The following MLPH variants were observed in gnomAD, a reference collection of about 807,000 sequenced individuals.
MLPH encodes melanophilin.
Under a neutral mutation model 72.1 loss-of-function variants are expected in MLPH, and 51 were observed. The observed-to-expected ratio is 0.71, with a 90% CI of 0.56 to 0.89. The LOEUF (loss-of-function observed/expected upper bound fraction) is 0.89, where lower values mean the gene tolerates loss of function less well. Among genes scored for constraint, MLPH ranks in the 40% least tolerant of loss-of-function variants. The pLI is 0.00. For missense variants in MLPH, 743 were observed against 759.9 expected, an observed-to-expected ratio of 0.98 and a Z score of 0.26; for synonymous variants, 301 against 310.1, an observed-to-expected ratio of 0.97 and a Z score of 0.31.
chr2:237,495,626 TTGG>T (rs2079519419), intron 2 of MLPH, among the ~76,000 whole-genome samples: 1 of 152,172 alleles, frequency 6.6e-6, no homozygotes, highest in Non-Finnish European at 1.5e-5. Context: ...GGCGCTCGTG[TTGG>T]TGGGGAGGGG....
intron 8 of MLPH, among the ~76,000 whole-genome samples, chr2:237,532,779 A>T (rs1285966953): frequency 6.6e-6 from 1 of 152,244 alleles, no homozygotes; most frequent in Admixed American, 6.5e-5. Flanking sequence ...TTACTGTTGG[A>T]GAAATATAAT....
intron 10 of MLPH, 118 bp downstream of exon 10, chr2:237,540,651 G>T: frequency 6.7e-7 from 1 of 1,492,846 alleles, no homozygotes; most frequent in Non-Finnish European, 9.1e-7. Context: ...CACACCAAGG[G>T]CCCTTGATGG....
At chr2:237,508,071 T>C (rs1387380964) in intron 2 of MLPH, among the ~76,000 whole-genome samples, 1 of 152,186 alleles carries the variant, frequency 6.6e-6, no homozygotes, top group Non-Finnish European at 1.5e-5. Context: ...TTTTAGGGTT[T>C]CATCAAGGTG....
intron 8 of MLPH, among the ~76,000 whole-genome samples, chr2:237,531,207 G>A (rs2106352847): frequency 6.6e-6 from 1 of 152,316 alleles, no homozygotes; most frequent in African/African-American, 2.4e-5. Context: ...ATCAGGAAGT[G>A]GCTTTCTTGA....
rs546166830 is a variant in MLPH at position 237,522,693 on chromosome 2, T to C, written c.675+2664T>C. 9.9e-5 allele frequency among the ~76,000 whole-genome samples: 15 copies of C among 152,218 alleles called. No homozygotes were observed. The Middle Eastern group carries it at 0.01, about 104-fold the overall frequency. On this transcript the variant is annotated intron_variant, in intron 6 of 15. Coordinates refer to ENST00000264605, the MANE Select transcript of MLPH (RefSeq NM_024101.7). ...GGGCTGAGACTGGGGTTGGGCCTTG[T>C]ATGGTGGATGGGAGTCAGGGATGGA...
chr2:237,488,105 T>C (rs1353633699), intron 1 of MLPH, among the ~76,000 whole-genome samples: 1 of 152,148 alleles, frequency 6.6e-6, no homozygotes, highest in African/African-American at 2.4e-5. Context: ...CGCGTCCCAC[T>C]GACATTAACT....
Position 237,510,551 on chromosome 2 carries a change from CT to C in MLPH, c.111-21del, listed in dbSNP as rs781060850. On this transcript the variant is annotated intron_variant, in intron 2 of 15. Coordinates refer to ENST00000264605, the MANE Select transcript of MLPH (RefSeq NM_024101.7). The surrounding 1 kb of genome is among the most constrained non-coding windows in gnomAD (Gnocchi z 4.4). ...CAAAAACAAGATGCCCAATATATTTCTTGTTTCTGATATTTTCCCAAGGGCG... is the reference window on the plus strand; with the variant it reads ...CAAAAACAAGATGCCCAATATATTTCTGTTTCTGATATTTTCCCAAGGGCG... 1 of 1,611,040 alleles carries C rather than the reference CT, an allele frequency of 6.2e-7. No homozygotes were observed. The highest frequency in any genetic ancestry group is 2.2e-5 in the East Asian group (1 of 44,848).
chr2:237,553,087 C>T (rs933216022), intron 15 of MLPH: 2 of 471,582 alleles, frequency 4.2e-6, no homozygotes, highest in Admixed American at 2.3e-5. Flanking sequence ...CTTGGTTATA[C>T]TCTATGCAGA....
intron 2 of MLPH, among the ~76,000 whole-genome samples, chr2:237,501,218 A>G (rs991013259): frequency 2.4e-4 from 36 of 152,236 alleles, no homozygotes; most frequent in African/African-American, 8.4e-4. Context: ...CCCCCAGCAC[A>G]GTACTGACCA....
Position 237,525,592 on chromosome 2 carries a change from T to A in MLPH, c.676-9T>A. On this transcript the variant is annotated splice_polypyrimidine_tract_variant and intron_variant, in intron 6 of 15. Transcript: ENST00000264605. ...CCTGCAGAGGAGGCTGACAGCCCCA[T>A]GTGCTTAGTCCCTCACAGATGAGTC... The A allele has an allele frequency of 2.5e-6, 4 of 1,614,014 alleles. No homozygotes were observed. The highest frequency in any genetic ancestry group is 2.5e-6 in the Non-Finnish European group (3 of 1,179,938).
Position 237,493,470 on chromosome 2 carries a change from C to G in MLPH, c.44C>G (p.Ala15Gly). ...CTTTCCAAGCTCACTGATGAAGAGG[C>G]CCAGCATGTCTTGGAAGTTGTTCAA... ...LDLSKLTDEEAQHVLEVVQRD... is the reference protein window; with the variant it reads ...LDLSKLTDEEGQHVLEVVQRD... The change falls in exon 2 of 16, where the codon GCC (alanine) becomes GGC (glycine). Residue 15 changes from alanine to glycine, a missense_variant. Physicochemically the swap from Ala to Gly is moderately conservative, Grantham distance 60 (BLOSUM62 0). Transcript: ENST00000264605. 1 of 1,614,044 alleles carries G rather than the reference C, an allele frequency of 6.2e-7. No homozygotes were observed. Among genetic ancestry groups the G allele is most frequent in the Non-Finnish European group, 8.5e-7 (1 of 1,179,954 alleles).
At chr2:237,551,240 C>A (rs1215531409) in intron 14 of MLPH, among the ~76,000 whole-genome samples, 2 of 152,246 alleles carry the variant, frequency 1.3e-5, no homozygotes, top group Non-Finnish European at 2.9e-5. Flanking sequence ...AGAGGTTAGT[C>A]CTGGAGCGGG....
chr2:237,527,633 G>T (rs2080332987), intron 8 of MLPH, 117 bp downstream of exon 8: 1 of 1,317,148 alleles, frequency 7.6e-7, no homozygotes, highest in African/African-American at 1.5e-5. Flanking sequence ...CTATGAAATT[G>T]CACAAGCCTA....
chr2:237,506,932 A>T (rs2079785013), intron 2 of MLPH, among the ~76,000 whole-genome samples: 1 of 152,164 alleles, frequency 6.6e-6, no homozygotes, highest in Non-Finnish European at 1.5e-5. Flanking sequence ...ATCTAGGCTC[A>T]TACAGATACA....
intron 6 of MLPH, among the ~76,000 whole-genome samples, chr2:237,522,923 T>C (rs764966925): frequency 6.6e-6 from 1 of 152,236 alleles, no homozygotes. Context: ...TCTGCTCGGC[T>C]GTACCATCAG....
At chr2:237,518,712 G>T (rs1212292664) in intron 5 of MLPH, 64 bp downstream of exon 5, 4 of 1,320,514 alleles carry the variant, frequency 3.0e-6, no homozygotes, top group Non-Finnish European at 4.3e-6. Context: ...TGGGACGTCA[G>T]GTTCTGATTT....
At chr2:237,521,216 G>T (rs2080175178) in intron 6 of MLPH, among the ~76,000 whole-genome samples, 1 of 152,060 alleles carries the variant, frequency 6.6e-6, no homozygotes, top group African/African-American at 2.4e-5. Flanking sequence ...AAACAATATG[G>T]GTACTATAGA....
At chr2:237,492,023 A>C (rs961702240) in intron 1 of MLPH, among the ~76,000 whole-genome samples, 1 of 152,174 alleles carries the variant, frequency 6.6e-6, no homozygotes. Flanking sequence ...CTGCCTGGAG[A>C]TCTTGTTCAA....
intron 14 of MLPH, among the ~76,000 whole-genome samples, chr2:237,550,776 T>C (rs1299695640): frequency 6.6e-6 from 1 of 152,156 alleles, no homozygotes; most frequent in East Asian, 1.9e-4. Context: ...CTCGAACTCC[T>C]GACGTCAGAT....
Sources: gnomAD v4.1 joint callset for allele counts (sites outside exome capture counted in the v4.1 genomes callset) on GRCh38, gnomAD v4.1.1 for gene constraint, Gnocchi (gnomAD v3.1) non-coding constraint, MANE v1.5 for transcripts, NCBI Gene and HGNC (gene_info 2026-07-23, HGNC 2026-07-21) for gene names.